PLAG1: variants seen among roughly 807,000 people sequenced by gnomAD.
PLAG1 encodes the protein PLAG1 zinc finger.
A neutral mutation model predicts 35.5 loss-of-function variants in PLAG1; 7 were observed. That is an observed-to-expected ratio of 0.20 (90% CI 0.11 to 0.37). PLAG1 has a LOEUF of 0.37. PLAG1 is among the 10% of genes least tolerant of loss of function. The pLI, the probability that PLAG1 is intolerant of heterozygous loss-of-function variation, is 1.00. For synonymous variants in PLAG1, 229 were observed against 225.4 expected (o/e 1.02, Z -0.14); for missense variants, 454 against 602.8 (o/e 0.75, Z 2.58).
intron 1 of PLAG1, among the ~76,000 whole-genome samples, chr8:56,210,432 G>A (rs1336446545): frequency 3.9e-5 from 2 of 50,702 alleles, no homozygotes; most frequent in Non-Finnish European, 7.4e-5. Context: ...CACACACCCC[G>A]GGCTCACACC....
intron 1 of PLAG1, among the ~76,000 whole-genome samples, chr8:56,208,304 G>A (rs1812754379): frequency 6.6e-6 from 1 of 152,180 alleles, no homozygotes; most frequent in Admixed American, 6.5e-5. Flanking sequence ...GCATGGAGGA[G>A]TTTCCCTTCT....
chr8:56,201,015 T>C (rs1812532406), intron 1 of PLAG1, among the ~76,000 whole-genome samples: 1 of 152,228 alleles, frequency 6.6e-6, no homozygotes. Context: ...GGAATATTTA[T>C]GTGTTTATTA....
chr8:56,204,142 T>A (rs1279107911), intron 1 of PLAG1, among the ~76,000 whole-genome samples: 3 of 151,954 alleles, frequency 2.0e-5, no homozygotes, highest in Admixed American at 6.6e-5. Flanking sequence ...AAATGAATTA[T>A]GTTTAGGAAA....
chr8:56,203,738 T>A (rs2129235066), intron 1 of PLAG1, among the ~76,000 whole-genome samples: 1 of 152,186 alleles, frequency 6.6e-6, no homozygotes, highest in East Asian at 1.9e-4. Context: ...TAACCTATTT[T>A]ATTATACATC....
intron 3 of PLAG1, among the ~76,000 whole-genome samples, chr8:56,170,453 A>G (rs1216505950): frequency 6.6e-6 from 1 of 152,244 alleles, no homozygotes; most frequent in Non-Finnish European, 1.5e-5. Context: ...ACTGGTATAA[A>G]GCATTCTACC....
chr8:56,184,811 A>G (rs1247015609), intron 1 of PLAG1, among the ~76,000 whole-genome samples: 1 of 152,064 alleles, frequency 6.6e-6, no homozygotes, highest in Non-Finnish European at 1.5e-5. Flanking sequence ...CAGCTACTCC[A>G]GAGGCTGAGG....
chr8:56,178,534 G>T (rs182923360), intron 2 of PLAG1, among the ~76,000 whole-genome samples: 1 of 152,256 alleles, frequency 6.6e-6, no homozygotes. Context: ...ATAGAATGTT[G>T]TTCTTATAGA....
chr8:56,196,787 ATG>A (rs1491212175), intron 1 of PLAG1, among the ~76,000 whole-genome samples: 2 of 148,572 alleles, frequency 1.3e-5, no homozygotes, highest in South Asian at 2.1e-4. Flanking sequence ...TGCATAATAC[ATG>A]TGTGTGTGTC....
chr8:56,192,189 G>A (rs1812205122), intron 1 of PLAG1, among the ~76,000 whole-genome samples: 1 of 152,226 alleles, frequency 6.6e-6, no homozygotes, highest in Non-Finnish European at 1.5e-5. Flanking sequence ...GACAGCGACT[G>A]TAAGTCTTCC....
At chr8:56,191,606 A>G (rs1247641026) in intron 1 of PLAG1, among the ~76,000 whole-genome samples, 2 of 152,158 alleles carry the variant, frequency 1.3e-5, no homozygotes, top group African/African-American at 4.8e-5. Context: ...GTACCAAAAG[A>G]GGTGCCAATT....
intron 1 of PLAG1, among the ~76,000 whole-genome samples, chr8:56,181,996 C>T (rs1811880418): frequency 6.6e-6 from 1 of 152,114 alleles, no homozygotes; most frequent in Non-Finnish European, 1.5e-5. Context: ...AGATTAGAAC[C>T]ACAGATGATT....
chr8:56,176,153 G>A (rs999478750), intron 2 of PLAG1, among the ~76,000 whole-genome samples: 2 of 150,928 alleles, frequency 1.3e-5, no homozygotes, highest in Admixed American at 6.6e-5. Flanking sequence ...AGGTGTAAGC[G>A]ATTCTCATGC....
Position 56,166,055 on chromosome 8 carries a change from TAACTG to T in PLAG1, c.*183_*187del, listed in dbSNP as rs1337116642. The T allele has an allele frequency of 1.1e-5, 4 of 373,748 alleles. No homozygotes were observed. Among genetic ancestry groups the T allele is most frequent in the Non-Finnish European group, 1.9e-5 (4 of 206,694 alleles). 23.2% of individuals were successfully genotyped at this position (373,748 alleles called of 1,614,324 possible). A position where few individuals can be genotyped will look rare whatever the true frequency, so the allele number is the denominator to read the frequency against. On this transcript the variant is annotated 3_prime_UTR_variant, in exon 5 of 5. Coordinates refer to ENST00000316981, the MANE Select transcript of PLAG1 (RefSeq NM_002655.3). Reference sequence around the variant, plus strand: ...TCAGGACAAAATACCCAGGTAAACTTAACTGAACACAAATGGTTCCAAAGCTCAGT... The same window carrying T: ...TCAGGACAAAATACCCAGGTAAACTTAACACAAATGGTTCCAAAGCTCAGT...
chr8:56,166,136 C>T lies in PLAG1; in HGVS notation c.*107G>A, dbSNP rs544620120. On this transcript the variant is annotated 3_prime_UTR_variant, in exon 5 of 5. Coordinates refer to ENST00000316981, the MANE Select transcript of PLAG1 (RefSeq NM_002655.3). Reference sequence around the variant, plus strand: ...TGGCTTAATGAAAATTTGTATTATACAAAAGCAGAAATTTTTATACTGTTT... The same window carrying T: ...TGGCTTAATGAAAATTTGTATTATATAAAAGCAGAAATTTTTATACTGTTT... The T allele has an allele frequency of 1.3e-5, 10 of 772,140 alleles. No homozygotes were observed. Among genetic ancestry groups the T allele is most frequent in the Non-Finnish European group, 2.0e-5 (10 of 495,548 alleles). 47.8% of individuals were successfully genotyped at this position (772,140 alleles called of 1,614,324 possible). A position where few individuals can be genotyped will look rare whatever the true frequency, so the allele number is the denominator to read the frequency against.
chr8:56,166,841 C>T lies in PLAG1; in HGVS notation c.905G>A (p.Gly302Glu). The change falls in exon 5 of 5, where the codon GGA becomes GAA. Residue 302 changes from glycine (G) to glutamate (E), a missense_variant. By Grantham distance (98) the Gly-to-Glu change is moderately conservative. This residue lies in a region of PLAG1 where 271 missense variants were observed against 315.6 expected (regional missense o/e 0.86). Transcript: ENST00000316981. ...AGTTGTGATCATTTGGTGGGCAGAT[C>T]CCGAGCTCTGCATGGACTGAAATGG... ...NTPFQSMQSS[G>E]SAHQMITTLP... is the part of the protein sequence containing the mutation. The T allele has an allele frequency of 6.2e-7, 1 of 1,614,050 alleles. No homozygotes were observed.
intron 1 of PLAG1, among the ~76,000 whole-genome samples, chr8:56,208,901 T>C (rs899249574): frequency 6.6e-6 from 1 of 152,212 alleles, no homozygotes; most frequent in Non-Finnish European, 1.5e-5. Context: ...ATCTTTTCAT[T>C]TCAAAGGCGC....
At chr8:56,184,472 A>G (rs1207349862) in intron 1 of PLAG1, among the ~76,000 whole-genome samples, 1 of 152,252 alleles carries the variant, frequency 6.6e-6, no homozygotes, top group Non-Finnish European at 1.5e-5. Context: ...ACAGCATTTC[A>G]CATCTAGCTA....
At chr8:56,176,965 C>T (rs1322812771) in intron 2 of PLAG1, among the ~76,000 whole-genome samples, 2 of 152,160 alleles carry the variant, frequency 1.3e-5, no homozygotes, top group East Asian at 1.9e-4. Flanking sequence ...GATTTCATGT[C>T]TGAACTGTCA....
At chr8:56,187,809 T>TA (rs1165394424) in intron 1 of PLAG1, among the ~76,000 whole-genome samples, 1 of 152,204 alleles carries the variant, frequency 6.6e-6, no homozygotes, top group Admixed American at 6.5e-5. Flanking sequence ...CTTCTGATCT[T>TA]ACTCATCTCT....
Sources: allele counts gnomAD v4.1 joint callset (sites outside exome capture counted in the v4.1 genomes callset), GRCh38; gene constraint gnomAD v4.1.1; regional missense constraint gnomAD v4.1.1; transcripts MANE v1.5; gene names NCBI Gene and HGNC (gene_info 2026-07-23, HGNC 2026-07-21).